Variants in CFAP69 observed in about 807,000 individuals in gnomAD.
The protein encoded by CFAP69 is cilia- and flagella-associated protein 69.
A neutral mutation model predicts 123.0 loss-of-function variants in CFAP69; 92 were observed. The ratio of observed to expected loss-of-function variants is 0.75; its 90% CI spans 0.63 to 0.89. The LOEUF (loss-of-function observed/expected upper bound fraction) is 0.89, where lower values mean the gene tolerates loss of function less well. Among genes scored for constraint, CFAP69 ranks in the 40% least tolerant of loss-of-function variants. CFAP69 has a pLI of 0.00. For synonymous variants in CFAP69, 380 were observed against 364.3 expected, an observed-to-expected ratio of 1.04 and a Z score of -0.49; for missense variants, 1,067 against 1,096.9, an observed-to-expected ratio of 0.97 and a Z score of 0.39.
intron 17 of CFAP69, chr7:90,301,220 A>C (rs2027967): frequency 0.02 from 3,006 of 151,858 alleles, 98 homozygotes; most frequent in East Asian, 0.11. Flanking sequence ...GATCTGCCCA[A>C]CTCCACTTGC....
Position 90,307,048 on chromosome 7 carries a change from G to A in CFAP69, c.2413G>A (p.Glu805Lys). 1 of 1,613,254 alleles carries A rather than the reference G, an allele frequency of 6.2e-7. No homozygotes were observed. The highest frequency in any genetic ancestry group is 8.5e-7 in the Non-Finnish European group (1 of 1,179,770). ...TGCTTCTCTGCAAAGTGATATAATTGAAAGCCAAGCATGCCAAGACATGCA... is the reference window on the plus strand; with the variant it reads ...TGCTTCTCTGCAAAGTGATATAATTAAAAGCCAAGCATGCCAAGACATGCA... ...MVASLQSDII[E>K]SQACQDMQNE... The change falls in exon 20 of 23, where the codon GAA becomes AAA. Residue 805 changes from glutamate to lysine, a missense_variant. Transcript: ENST00000389297.
intron 1 of CFAP69, among the ~76,000 whole-genome samples, 162 bp downstream of exon 1, chr7:90,245,706 C>T (rs1024488571): frequency 6.6e-6 from 1 of 152,116 alleles, no homozygotes; most frequent in African/African-American, 2.4e-5. Flanking sequence ...CCTGATCCCC[C>T]ACCCCCTGCG....
intron 11 of CFAP69, among the ~76,000 whole-genome samples, chr7:90,278,733 T>C (rs1479917841): frequency 6.6e-6 from 1 of 152,226 alleles, no homozygotes; most frequent in South Asian, 2.1e-4. Flanking sequence ...TGTGGTCCAG[T>C]AATATTACTA....
intron 16 of CFAP69, among the ~76,000 whole-genome samples, chr7:90,299,640 A>G (rs2117328277): frequency 6.6e-6 from 1 of 152,268 alleles, no homozygotes; most frequent in Admixed American, 6.5e-5. Context: ...ATATATGTTT[A>G]TAATGACTTC....
At chr7:90,311,906 G>C (rs1489125606), downstream of CFAP69, among the ~76,000 whole-genome samples, 1 of 152,090 alleles carries the variant, frequency 6.6e-6, no homozygotes, top group Non-Finnish European at 1.5e-5. Context: ...GGCATAATTT[G>C]TTTCTTTCCT....
intron 3 of CFAP69, 44 bp from the exon 4 acceptor site, chr7:90,261,903 A>G: frequency 1.9e-6 from 2 of 1,046,530 alleles, no homozygotes; most frequent in Non-Finnish European, 1.4e-6. Flanking sequence ...TATGTTAATA[A>G]AGATATTAAT....
the CFAP69 span, chr7:90,318,085 C>CT: frequency 6.6e-6 from 1 of 152,154 alleles, no homozygotes; most frequent in Admixed American, 6.5e-5. Context: ...TATAGGCACC[C>CT]TTTATCAAAG....
chr7:90,249,309 G>A (rs796225548), intron 1 of CFAP69, among the ~76,000 whole-genome samples: 16 of 152,098 alleles, frequency 1.1e-4, no homozygotes, highest in African/African-American at 3.1e-4. Flanking sequence ...TTTGCCTTCC[G>A]CCATGACTGT....
At chr7:90,297,588 G>T (rs976119198) in intron 15 of CFAP69, among the ~76,000 whole-genome samples, 161 bp from the exon 16 acceptor site, 1 of 152,122 alleles carries the variant, frequency 6.6e-6, no homozygotes, top group Non-Finnish European at 1.5e-5. Context: ...CGCTGGTAAA[G>T]TTTCTTCAAA....
chr7:90,266,004 C>T (rs1202568868), intron 5 of CFAP69: 1 of 152,028 alleles, frequency 6.6e-6, no homozygotes, highest in Non-Finnish European at 1.5e-5. Flanking sequence ...ATGGCATGTT[C>T]CCAAAACAAA....
At chr7:90,317,380 A>T in the CFAP69 span, 14 of 152,134 alleles carry the variant, frequency 9.2e-5, no homozygotes, top group Admixed American at 5.2e-4. Context: ...TCATGTTTAC[A>T]CGCTGTCTGG....
rs1789725855 is a variant in CFAP69, at chr7:90,283,050, A to T, written c.1531A>T (p.Met511Leu). ...DLCEKGTIQQ[M>L]IGIFKNIISK... Reference sequence around the variant, plus strand: ...TTGTGAAAAGGGAACAATTCAGCAAATGATAGGTAAAATATAACATGGTGG... The same window carrying T: ...TTGTGAAAAGGGAACAATTCAGCAATTGATAGGTAAAATATAACATGGTGG... The change falls in exon 13 of 23, where the codon ATG becomes TTG. Residue 511 changes from methionine to leucine, a missense_variant. Transcript: ENST00000389297. The T allele has an allele frequency of 6.5e-7, 1 of 1,547,334 alleles. No individual in the cohort carries two copies. Among genetic ancestry groups the T allele is most frequent in the Non-Finnish European group, 8.7e-7 (1 of 1,149,592 alleles).
intron 16 of CFAP69, among the ~76,000 whole-genome samples, chr7:90,298,126 G>A (rs182892183): frequency 1.3e-5 from 2 of 152,306 alleles, no homozygotes; most frequent in Non-Finnish European, 2.9e-5. Context: ...GAAACAGTTT[G>A]TGAAGAGCTT....
rs758952513 is a variant in CFAP69 at position 90,306,999 on chromosome 7, A to C, written c.2364A>C (p.Ala788=). The change falls in exon 20 of 23, where the codon GCA becomes GCC. Residue 788 remains alanine (A), a synonymous_variant. Transcript: ENST00000389297. The part of the protein sequence containing the change: ...DKKALEAITT[A]SENIGKMVAS... ...AAGCTTTGGAAGCTATTACAACAGC[A>C]TCAGAAAATATTGGAAAGATGGTTG... 3.7e-6 allele frequency: 6 copies of C among 1,612,408 alleles called. No homozygotes were observed. The Admixed American group carries it at 1.0e-4, about 27-fold the overall frequency.
chr7:90,260,043 C>T (rs1008207811), intron 3 of CFAP69, among the ~76,000 whole-genome samples: 4 of 152,146 alleles, frequency 2.6e-5, no homozygotes, highest in Non-Finnish European at 5.9e-5. Flanking sequence ...TGCAGCCCAA[C>T]ACAAATTTGT....
chr7:90,262,571 T>C (rs1798476288), intron 4 of CFAP69, among the ~76,000 whole-genome samples: 1 of 152,120 alleles, frequency 6.6e-6, no homozygotes, highest in Admixed American at 6.5e-5. Flanking sequence ...GTCTTATTCT[T>C]TCTACTGTTG....
chr7:90,318,031 C>T, the CFAP69 span: 3 of 152,166 alleles, frequency 2.0e-5, no homozygotes, highest in Non-Finnish European at 4.4e-5. Context: ...TGAAACTGTT[C>T]ATGTGTCCCT....
rs1225971377 is a variant in CFAP69 at position 90,310,294 on chromosome 7, A to C, written c.*56A>C. On this transcript the variant is annotated 3_prime_UTR_variant, in exon 23 of 23. Transcript: ENST00000389297. ...AGCTTATAATTTTTTAGCTGAATAT[A>C]TCTTTATACATATGTAAAGCCAATA... 30 of 1,189,078 alleles carry C rather than the reference A, an allele frequency of 2.5e-5. No homozygotes were observed. The East Asian group carries it at 7.6e-4, about 30-fold the overall frequency. 73.7% of individuals were successfully genotyped at this position (1,189,078 alleles called of 1,614,324 possible).
chr7:90,255,512 G>C (rs371249256), intron 2 of CFAP69, 30 bp downstream of exon 2: 1 of 1,505,836 alleles, frequency 6.6e-7, no homozygotes, highest in African/African-American at 1.4e-5. Context: ...AAATTACTCC[G>C]CTGCATTACT....
Sources: gnomAD v4.1 joint callset for allele counts (sites outside exome capture counted in the v4.1 genomes callset) on GRCh38, gnomAD v4.1.1 for gene constraint, MANE v1.5 for transcripts, NCBI Gene and HGNC (gene_info 2026-07-23, HGNC 2026-07-21) for gene names.